The following ADGRL2 variants were observed in gnomAD, a reference collection of about 807,000 sequenced individuals.
ADGRL2 encodes adhesion G protein-coupled receptor L2, also known as calcium-independent alpha-latrotoxin receptor 2.
ADGRL2 carries 44 observed loss-of-function variants against 157.4 expected under a neutral mutation model. That is an observed-to-expected ratio of 0.28 (90% CI 0.22 to 0.36). The LOEUF (loss-of-function observed/expected upper bound fraction) is 0.36. ADGRL2 is among the 10% of genes least tolerant of loss of function. The probability of loss-of-function intolerance (pLI) is 1.00; values close to 1 mark genes in which losing one functional copy is unlikely to be tolerated. For synonymous variants in ADGRL2, 585 were observed against 624.7 expected (o/e 0.94, Z 0.95); for missense variants, 1,510 against 1,768.9 (o/e 0.85, Z 2.63).
intron 3 of ADGRL2, among the ~76,000 whole-genome samples, chr1:81,581,910 A>ACACC (rs1043889519): frequency 1.4e-5 from 2 of 142,724 alleles, no homozygotes; most frequent in South Asian, 2.2e-4. Context: ...ACACACACAC[A>ACACC]CCCCTGCCTC....
intron 3 of ADGRL2, among the ~76,000 whole-genome samples, chr1:81,687,072 A>G (rs1007827951): frequency 4.6e-5 from 7 of 152,166 alleles, no homozygotes; most frequent in Non-Finnish European, 8.8e-5. Context: ...ATCTTGGAGA[A>G]AGTTCCATGT....
chr1:81,630,264 C>T (rs957089564), intron 3 of ADGRL2, among the ~76,000 whole-genome samples: 3 of 152,076 alleles, frequency 2.0e-5, no homozygotes, highest in Non-Finnish European at 4.4e-5. Context: ...AGCCTCCCAG[C>T]CTTCTCCAGG....
At chr1:81,521,862 G>T (rs1247868004) in intron 2 of ADGRL2, among the ~76,000 whole-genome samples, 1 of 152,126 alleles carries the variant, frequency 6.6e-6, no homozygotes, top group East Asian at 1.9e-4. Flanking sequence ...CTTCTCCTGT[G>T]TGTATTAACC....
intron 2 of ADGRL2, among the ~76,000 whole-genome samples, chr1:81,906,529 A>C (rs2094587586): frequency 6.6e-6 from 1 of 152,140 alleles, no homozygotes. Flanking sequence ...TAAATATCTT[A>C]GTTATTGTGG....
chr1:81,937,796 G>T (rs185127603), intron 4 of ADGRL2, among the ~76,000 whole-genome samples: 3 of 151,694 alleles, frequency 2.0e-5, no homozygotes, highest in African/African-American at 7.3e-5. Context: ...TAATGAAACT[G>T]CTCTTTCCAG....
chr1:81,687,432 T>C (rs1289798826), intron 3 of ADGRL2, among the ~76,000 whole-genome samples: 1 of 152,220 alleles, frequency 6.6e-6, no homozygotes, highest in African/African-American at 2.4e-5. Flanking sequence ...TGCTTTAAAG[T>C]TTGTTTTGTC....
At position 81,813,724 on chromosome 1, in the gene ADGRL2, A is replaced by G. The variant is rs537908131; in HGVS notation, c.-101+12656A>G. ...TTTATGTCATTGTCTTAAATAATAT[A>G]AAAAGATATTTCTTATCGTAGCTGG... is the stretch of plus-strand genomic sequence containing the variant. On this transcript the variant is annotated intron_variant, in intron 1 of 23. Coordinates refer to ENST00000686636, the MANE Select transcript of ADGRL2 (RefSeq NM_001366006.2). Among the ~76,000 whole-genome samples, 85 of 151,902 alleles carry G rather than the reference A, an allele frequency of 5.6e-4. No individual in the cohort carries two copies. In the South Asian group the frequency reaches 0.016, roughly 29 times the overall value.
chr1:81,308,091 T>C (rs1159478269), intron 1 of ADGRL2, among the ~76,000 whole-genome samples: 1 of 152,082 alleles, frequency 6.6e-6, no homozygotes, highest in East Asian at 1.9e-4. Flanking sequence ...AAGGTATATG[T>C]TTTATAGCAG....
intron 1 of ADGRL2, among the ~76,000 whole-genome samples, chr1:81,835,330 A>G (rs923363001): frequency 6.6e-6 from 1 of 152,168 alleles, no homozygotes; most frequent in Admixed American, 6.6e-5. Context: ...ATCATCGAAC[A>G]GACTGTAAGA....
chr1:81,460,284 T>C (rs781378401), intron 2 of ADGRL2, among the ~76,000 whole-genome samples: 53 of 151,856 alleles, frequency 3.5e-4, no homozygotes, highest in Non-Finnish European at 6.3e-4. Context: ...ACTATATATA[T>C]AGTGTTTGAA....
intron 1 of ADGRL2, among the ~76,000 whole-genome samples, chr1:81,337,423 A>C (rs1346330745): frequency 6.6e-6 from 1 of 151,952 alleles, no homozygotes; most frequent in African/African-American, 2.4e-5. Flanking sequence ...CAGACCCTGC[A>C]CTCGCTCACC....
intron 6 of ADGRL2, 105 bp from the exon 7 acceptor site, chr1:81,950,084 G>A (rs1375756666): frequency 1.1e-6 from 1 of 873,698 alleles, no homozygotes; most frequent in Non-Finnish European, 1.8e-6. Flanking sequence ...AGACAGATGG[G>A]TAGGGTTTTG....
chr1:81,571,390 T>A (rs552714079), intron 2 of ADGRL2, among the ~76,000 whole-genome samples: 1 of 147,476 alleles, frequency 6.8e-6, no homozygotes. Flanking sequence ...TGTATATATA[T>A]GTGTATGTAT....
intron 1 of ADGRL2, among the ~76,000 whole-genome samples, chr1:81,728,894 A>G (rs2084630015): frequency 6.6e-6 from 1 of 152,044 alleles, no homozygotes; most frequent in Admixed American, 6.6e-5. Context: ...TGGGGAGGTA[A>G]CTGTCCTTCT....
At position 81,992,679 on chromosome 1, in the gene ADGRL2, A is replaced by G. The variant is rs1407883997; in HGVS notation, c.*1534A>G. The stretch of plus-strand genomic sequence containing the variant: ...TGTTTGTTGCATTGTACCAGGACTA[A>G]AAAAAGAAGGATTGGAAGTTCTGCC... On this transcript the variant is annotated 3_prime_UTR_variant, in exon 24 of 24. Transcript: ENST00000686636. 6.6e-6 allele frequency among the ~76,000 whole-genome samples: 1 copy of G among 152,136 alleles called. No individual in the cohort carries two copies. The highest frequency in any genetic ancestry group is 1.9e-4 in the East Asian group (1 of 5,204).
intron 1 of ADGRL2, among the ~76,000 whole-genome samples, chr1:81,428,204 C>T (rs2077253959): frequency 6.6e-6 from 1 of 151,900 alleles, no homozygotes; most frequent in Non-Finnish European, 1.5e-5. Flanking sequence ...TGGGTGCTGA[C>T]GTGTGGACAG....
At chr1:81,886,780 A>G (rs2094137888) in intron 2 of ADGRL2, among the ~76,000 whole-genome samples, 1 of 152,188 alleles carries the variant, frequency 6.6e-6, no homozygotes, top group East Asian at 1.9e-4. Context: ...TTTAAAATGG[A>G]GTGTTTTCAT....
chr1:81,718,055 C>A (rs1056470337), intron 1 of ADGRL2, among the ~76,000 whole-genome samples: 22 of 152,202 alleles, frequency 1.4e-4, no homozygotes, highest in Admixed American at 2.6e-4. Context: ...GTGTCTCACT[C>A]TGTGGCAAGG....
At chr1:81,908,482 A>T (rs1431110161) in intron 3 of ADGRL2, among the ~76,000 whole-genome samples, 2 of 152,166 alleles carry the variant, frequency 1.3e-5, no homozygotes, top group Non-Finnish European at 2.9e-5. Context: ...GACACAGTTG[A>T]TCCATGCACC....
Sources: gnomAD v4.1 joint callset for allele counts (sites outside exome capture counted in the v4.1 genomes callset) on GRCh38, gnomAD v4.1.1 for gene constraint, MANE v1.5 for transcripts, NCBI Gene and HGNC (gene_info 2026-07-23, HGNC 2026-07-21) for gene names.